Variants in ANKFN1 observed in about 807,000 individuals in gnomAD.
The protein encoded by ANKFN1 is ankyrin repeat and fibronectin type-III domain-containing protein 1.
Under a neutral mutation model 108.7 loss-of-function variants are expected in ANKFN1, and 74 were observed. The observed-to-expected ratio is 0.68, with a 90% CI of 0.56 to 0.83. ANKFN1 has a LOEUF of 0.83. ANKFN1 is among the 40% of genes least tolerant of loss of function. The probability of loss-of-function intolerance (pLI) is 0.00; values close to 1 mark genes in which losing one functional copy is unlikely to be tolerated. For synonymous variants in ANKFN1, 547 were observed against 516.2 expected (o/e 1.06, Z -0.81); for missense variants, 1,505 against 1,382.3 (o/e 1.09, Z -1.41).
chr17:56,354,409 G>A (rs1360284400), intron 6 of ANKFN1, among the ~76,000 whole-genome samples: 4 of 147,992 alleles, frequency 2.7e-5, no homozygotes, highest in Non-Finnish European at 5.9e-5. Flanking sequence ...TCAATGCGGT[G>A]GCTTCATTCA....
intron 8 of ANKFN1, among the ~76,000 whole-genome samples, chr17:56,429,361 A>G (rs1430092180): frequency 6.6e-6 from 1 of 152,208 alleles, no homozygotes. Flanking sequence ...GCCAGAGCTT[A>G]GCAAACTTTT....
chr17:56,452,528 A>G (rs566754090), intron 11 of ANKFN1, among the ~76,000 whole-genome samples: 1 of 152,264 alleles, frequency 6.6e-6, no homozygotes, highest in South Asian at 2.1e-4. Context: ...CTCTCTGGAA[A>G]TATTTGCTAG....
intron 4 of ANKFN1, among the ~76,000 whole-genome samples, chr17:56,338,545 C>T (rs1024616235): frequency 5.9e-5 from 9 of 152,066 alleles, no homozygotes; most frequent in Admixed American, 5.9e-4. Context: ...AGAGTGATAT[C>T]CCAGATTTAA....
intron 8 of ANKFN1, among the ~76,000 whole-genome samples, chr17:56,378,508 T>A (rs1445367088): frequency 6.6e-6 from 1 of 152,222 alleles, no homozygotes; most frequent in Non-Finnish European, 1.5e-5. Flanking sequence ...TGCATTCCAT[T>A]AAAGAATATA....
At chr17:56,050,891 A>G (rs1320451639) in intron 4 of ANKFN1, among the ~76,000 whole-genome samples, 1 of 151,076 alleles carries the variant, frequency 6.6e-6, no homozygotes, top group Non-Finnish European at 1.5e-5. Context: ...CTCTGAATAG[A>G]CCAATAACAG....
chr17:56,207,133 A>G (rs1914609260), intron 1 of ANKFN1, among the ~76,000 whole-genome samples: 1 of 152,190 alleles, frequency 6.6e-6, no homozygotes, highest in Admixed American at 6.5e-5. Context: ...AGGAGGCAGT[A>G]TCTATTGTCT....
intron 4 of ANKFN1, among the ~76,000 whole-genome samples, chr17:56,349,223 G>T (rs142858058): frequency 6.6e-6 from 1 of 152,190 alleles, no homozygotes; most frequent in African/African-American, 2.4e-5. Context: ...ACTGGGTCCT[G>T]TCAGTGAGTG....
intron 4 of ANKFN1, among the ~76,000 whole-genome samples, chr17:56,070,177 C>T (rs1410302808): frequency 4.6e-5 from 7 of 152,280 alleles, no homozygotes; most frequent in Admixed American, 2.0e-4. Context: ...AGTAGGTCTC[C>T]GCCTCATTTT....
intron 3 of ANKFN1, among the ~76,000 whole-genome samples, chr17:56,231,251 G>A (rs946725870): frequency 6.6e-6 from 1 of 152,074 alleles, no homozygotes; most frequent in African/African-American, 2.4e-5. Flanking sequence ...CCATCTCTAA[G>A]TATCCATTTG....
chr17:56,174,635 A>T (rs990512313), intron 1 of ANKFN1, among the ~76,000 whole-genome samples: 2 of 152,186 alleles, frequency 1.3e-5, no homozygotes, highest in Admixed American at 1.3e-4. Flanking sequence ...CAAGAGCTAC[A>T]GCTCCCTGTT....
intron 6 of ANKFN1, among the ~76,000 whole-genome samples, chr17:56,362,204 A>C (rs2046540088): frequency 6.6e-6 from 1 of 152,366 alleles, no homozygotes; most frequent in South Asian, 2.1e-4. Flanking sequence ...ATAACTCTCA[A>C]AAACAAAATA....
intron 19 of ANKFN1, among the ~76,000 whole-genome samples, chr17:56,495,685 G>C (rs926256693): frequency 6.6e-6 from 1 of 152,090 alleles, no homozygotes; most frequent in Non-Finnish European, 1.5e-5. Context: ...CTGGAGCTTG[G>C]CATATTTTGA....
At chr17:56,094,660 C>CACCCA (rs1905491534) in intron 4 of ANKFN1, among the ~76,000 whole-genome samples, 1 of 139,642 alleles carries the variant, frequency 7.2e-6, no homozygotes, top group Admixed American at 7.2e-5. Context: ...CACACCACCA[C>CACCCA]GCCCAGCTAA....
At chr17:56,088,257 A>G (rs1251153089) in intron 4 of ANKFN1, among the ~76,000 whole-genome samples, 1 of 151,392 alleles carries the variant, frequency 6.6e-6, no homozygotes, top group Non-Finnish European at 1.5e-5. Context: ...TGGCTGCAAG[A>G]TACATCCCAT....
intron 1 of ANKFN1, among the ~76,000 whole-genome samples, chr17:56,182,030 T>A (rs1296193668): frequency 6.6e-6 from 1 of 152,222 alleles, no homozygotes; most frequent in Non-Finnish European, 1.5e-5. Context: ...TGCTCCCATA[T>A]GTGATAGCAA....
intron 3 of ANKFN1, among the ~76,000 whole-genome samples, chr17:56,295,491 C>T: frequency 6.6e-6 from 1 of 152,092 alleles, no homozygotes; most frequent in East Asian, 1.9e-4. Context: ...TGGGATGGGG[C>T]CCAGCAGTTT....
chr17:56,117,476 A>G (rs1056235360), intron 4 of ANKFN1, among the ~76,000 whole-genome samples: 1 of 152,204 alleles, frequency 6.6e-6, no homozygotes, highest in Admixed American at 6.5e-5. Flanking sequence ...GGCCACAAAA[A>G]TACTACCCAG....
At chr17:56,047,392 C>T (rs372450494) in intron 4 of ANKFN1, among the ~76,000 whole-genome samples, 29 of 152,200 alleles carry the variant, frequency 1.9e-4, no homozygotes, top group African/African-American at 6.7e-4. Context: ...GAGGAGCACT[C>T]TGCTTATCCT....
chr17:56,459,996 T>C (rs2049845644), intron 14 of ANKFN1, among the ~76,000 whole-genome samples: 1 of 151,870 alleles, frequency 6.6e-6, no homozygotes, highest in African/African-American at 2.4e-5. Flanking sequence ...TATTATTTAT[T>C]TGGAAAAATC....
Sources: gnomAD v4.1 joint callset for allele counts (sites outside exome capture counted in the v4.1 genomes callset) on GRCh38, gnomAD v4.1.1 for gene constraint, MANE v1.5 for transcripts, NCBI Gene and HGNC (gene_info 2026-07-23, HGNC 2026-07-21) for gene names.